The following IL1RAPL1 variants were observed in gnomAD, a reference collection of about 807,000 sequenced individuals.
IL1RAPL1 encodes the protein interleukin-1 receptor accessory protein-like 1.
A neutral mutation model predicts 48.4 loss-of-function variants in IL1RAPL1; 3 were observed. The observed-to-expected ratio is 0.06, with a 90% confidence interval of 0.03 to 0.16. IL1RAPL1 has a LOEUF of 0.16. Among genes scored for constraint, IL1RAPL1 ranks in the 10% least tolerant of loss-of-function variants. The pLI is 1.00. For synonymous variants in IL1RAPL1, 185 were observed against 187.7 expected (o/e 0.99, Z 0.12); for missense variants, 349 against 530.6 (o/e 0.66, Z 3.36).
intron 6 of IL1RAPL1, among the ~76,000 whole-genome samples, chrX:29,708,819 G>C (rs1927267018): frequency 8.9e-6 from 1 of 112,015 alleles, no homozygotes; most frequent in East Asian, 2.8e-4. Flanking sequence ...TACTGCACTA[G>C]TTTACATTCC....
At chrX:29,793,802 G>A (rs1929686358) in intron 6 of IL1RAPL1, among the ~76,000 whole-genome samples, 2 of 112,091 alleles carry the variant, frequency 1.8e-5, no homozygotes, top group South Asian at 3.7e-4. Flanking sequence ...GGGGAAGGAA[G>A]CATAGGGTTG....
intron 5 of IL1RAPL1, among the ~76,000 whole-genome samples, chrX:29,647,347 CAAAAA>C (rs763429832): frequency 0.23 from 12,597 of 54,430 alleles, 871 homozygotes; most frequent in Middle Eastern, 0.38. Flanking sequence ...GACTCTGCCT[CAAAAA>C]AAAAAAAAAA....
chrX:29,713,187 A>G, intron 6 of IL1RAPL1, among the ~76,000 whole-genome samples: 1 of 111,869 alleles, frequency 8.9e-6, no homozygotes, highest in Non-Finnish European at 1.9e-5. Context: ...GTATGTGATT[A>G]TAGATTTTAA....
intron 1 of IL1RAPL1, among the ~76,000 whole-genome samples, chrX:28,688,974 G>A (rs1935144638): frequency 9.0e-6 from 1 of 110,941 alleles, no homozygotes; most frequent in African/African-American, 3.3e-5. Flanking sequence ...TGTGAACCAC[G>A]TTCTAGCCAT....
chrX:29,659,318 G>A (rs1363772218), intron 5 of IL1RAPL1, among the ~76,000 whole-genome samples: 6 of 111,992 alleles, frequency 5.4e-5, no homozygotes, highest in Non-Finnish European at 9.4e-5. Context: ...TTCTTTCCGT[G>A]CCTGGCTTAT....
intron 5 of IL1RAPL1, among the ~76,000 whole-genome samples, chrX:29,444,402 A>G (rs1195049575): frequency 9.1e-6 from 1 of 109,404 alleles, no homozygotes; most frequent in Non-Finnish European, 1.9e-5. Context: ...AAATGGAAGA[A>G]TTTGTGGCCT....
intron 2 of IL1RAPL1, among the ~76,000 whole-genome samples, chrX:28,970,451 G>T (rs1298974330): frequency 8.9e-6 from 1 of 112,188 alleles, no homozygotes. Flanking sequence ...AAATATTGAA[G>T]TGTATACTTT....
rs1231609200 is a variant in IL1RAPL1, at chrX:29,955,555, C to G, written c.1826C>G (p.Ser609Cys). Reference sequence around the variant, plus strand: ...GCCACTGCCCATCCAGATCTCCGTTCTACCTTTCACAACACGTACCATTCA... The same window carrying G: ...GCCACTGCCCATCCAGATCTCCGTTGTACCTTTCACAACACGTACCATTCA... Reference protein sequence around the residue: ...ALATAHPDLRSTFHNTYHSQM... With the variant: ...ALATAHPDLRCTFHNTYHSQM... The change falls in exon 11 of 11, where the codon TCT becomes TGT. Residue 609 changes from serine to cysteine, a missense_variant. By Grantham distance (112) the Ser-to-Cys change is moderately radical (BLOSUM62 -1). Around this residue, in one of 3 missense-constraint regions of IL1RAPL1, gnomAD observed 65 missense variants for 79.6 expected, o/e 0.82. Transcript: ENST00000378993. 8.3e-7 allele frequency: 1 copy of G among 1,207,708 alleles called. No homozygotes were observed. Among genetic ancestry groups the G allele is most frequent in the Non-Finnish European group, 1.1e-6 (1 of 893,195 alleles).
chrX:29,180,279 C>T (rs757082374), intron 2 of IL1RAPL1, among the ~76,000 whole-genome samples: 18 of 110,468 alleles, frequency 1.6e-4, no homozygotes, highest in South Asian at 3.8e-4. Context: ...GCAGATATAA[C>T]GAATATTTAT....
chrX:29,933,657 C>CAAAAAAAAAA (rs1217616087), intron 8 of IL1RAPL1, among the ~76,000 whole-genome samples: 2 of 34,114 alleles, frequency 5.9e-5, no homozygotes, highest in African/African-American at 1.6e-4. Context: ...ACAAAATAGA[C>CAAAAAAAAAA]AAAAAAAAAA....
chrX:28,912,499 AT>A (rs1923385873), intron 2 of IL1RAPL1, among the ~76,000 whole-genome samples: 1 of 111,099 alleles, frequency 9.0e-6, no homozygotes, highest in Non-Finnish European at 1.9e-5. Context: ...GATAGAAAAA[AT>A]ATGTGTATAT....
chrX:28,696,073 T>C (rs1424051515), intron 1 of IL1RAPL1, among the ~76,000 whole-genome samples: 1 of 111,977 alleles, frequency 8.9e-6, no homozygotes, highest in Non-Finnish European at 1.9e-5. Flanking sequence ...AATTTCAGTT[T>C]AAATATTTTA....
chrX:29,552,889 A>G (rs1354224597), intron 5 of IL1RAPL1, among the ~76,000 whole-genome samples: 1 of 98,290 alleles, frequency 1.0e-5, no homozygotes, highest in Non-Finnish European at 2.0e-5. Context: ...GGTTGTGTCA[A>G]GCCTACTGAT....
intron 2 of IL1RAPL1, among the ~76,000 whole-genome samples, chrX:28,801,580 A>G (rs753116988): frequency 8.9e-6 from 1 of 112,218 alleles, no homozygotes; most frequent in South Asian, 3.7e-4. Context: ...ACTTTCATTC[A>G]CAGTGATGAT....
intron 1 of IL1RAPL1, among the ~76,000 whole-genome samples, chrX:28,700,314 C>T (rs1355965410): frequency 9.0e-6 from 1 of 110,758 alleles, no homozygotes. Flanking sequence ...ATACAATGAA[C>T]ATCCTCTTAA....
chrX:28,951,247 A>G (rs1569206394), intron 2 of IL1RAPL1, among the ~76,000 whole-genome samples: 1 of 108,247 alleles, frequency 9.2e-6, no homozygotes, highest in Non-Finnish European at 1.9e-5. Context: ...CAATGTGCAC[A>G]TGTACCCTAA....
intron 2 of IL1RAPL1, among the ~76,000 whole-genome samples, chrX:28,836,333 ATT>A (rs1170122600): frequency 7.2e-5 from 4 of 55,557 alleles, no homozygotes; most frequent in Non-Finnish European, 1.1e-4. Flanking sequence ...TTGCTTCCCA[ATT>A]TTATATATAT....
intron 5 of IL1RAPL1, among the ~76,000 whole-genome samples, chrX:29,541,664 C>T (rs1052268800): frequency 8.9e-6 from 1 of 111,757 alleles, no homozygotes; most frequent in Non-Finnish European, 1.9e-5. Flanking sequence ...GGCCATTATC[C>T]TAAGTTGATT....
chrX:29,346,338 C>G (rs145116643), intron 3 of IL1RAPL1, among the ~76,000 whole-genome samples: 2 of 112,661 alleles, frequency 1.8e-5, no homozygotes, highest in African/African-American at 6.4e-5. Context: ...TCCACATTGT[C>G]AACCTCTGGT....
Sources: gnomAD v4.1 joint callset for allele counts (sites outside exome capture counted in the v4.1 genomes callset) on GRCh38, gnomAD v4.1.1 for gene constraint, gnomAD v4.1.1 regional missense constraint, MANE v1.5 for transcripts, NCBI Gene and HGNC (gene_info 2026-07-23, HGNC 2026-07-21) for gene names.